Variants in GALK1 observed in about 807,000 individuals in gnomAD.
The protein encoded by GALK1 is galactokinase.
A neutral mutation model predicts 38.6 loss-of-function variants in GALK1; 30 were observed. The ratio of observed to expected loss-of-function variants is 0.78; its 90% CI spans 0.58 to 1.05. GALK1 has a LOEUF of 1.05. GALK1 is among the 50% of genes least tolerant of loss of function. GALK1 has a pLI of 0.00. For missense variants in GALK1, 512 were observed against 540.5 expected (o/e 0.95, Z 0.52); for synonymous variants, 240 against 233.6 (o/e 1.03, Z -0.25).
chr17:75,758,679 G>A, intron 5 of GALK1, 80 bp from the exon 6 acceptor site: 2 of 1,514,848 alleles, frequency 1.3e-6, no homozygotes, highest in South Asian at 1.2e-5. Context: ...AGGCGGTGAT[G>A]GCAGTGGCCC....
In GALK1 at chr17:75,758,360, C is replaced by T. The variant is rs76160162; in HGVS notation, c.957G>A (p.Glu319=). 1,173 of 1,592,564 alleles carry T rather than the reference C, an allele frequency of 7.4e-4. 8 individuals carry two copies. In the African/African-American group the frequency reaches 0.014, roughly 19 times the overall value. Residue 319 remains glutamate (E), a synonymous_variant, in exon 7 of 8, where the codon GAG becomes GAA. Coordinates refer to ENST00000588479, the MANE Select transcript of GALK1 (RefSeq NM_000154.2). ...GCTGGTCCAGCTCTGGGCAGCTCAC[C>T]TCATAGTCGTCTCTGCAGAGAGGAT... The part of the protein sequence containing the change: ...ESHRSLRDDY[E]VSCPELDQLV...
At chr17:75,751,561 G>T, downstream of GALK1, 1 of 241,246 alleles carries the variant, frequency 4.1e-6, no homozygotes, top group Non-Finnish European at 8.3e-6. Flanking sequence ...GACCAGCCTG[G>T]CTAACATGGT....
At chr17:75,754,728 GACT>G (rs765388488), downstream of GALK1, 14 of 1,613,892 alleles carry the variant, frequency 8.7e-6, no homozygotes, top group Admixed American at 5.0e-5. Context: ...CCTCACACGG[GACT>G]ACAACTCACT....
downstream of GALK1, chr17:75,757,083 A>G: frequency 6.2e-7 from 1 of 1,612,894 alleles, no homozygotes; most frequent in Non-Finnish European, 8.5e-7. Flanking sequence ...CGAGGGCATC[A>G]TCACCATAGA....
At position 75,764,978 on chromosome 17, in the gene GALK1, C is replaced by A; in HGVS notation, c.159G>T (p.Leu53=). ...TCCCCGTGCAGCCCCTCACCATAGGCAGCACCAGGCCCTGGTTGTAGTCCG... is the reference window on the plus strand; with the variant it reads ...TCCCCGTGCAGCCCCTCACCATAGGAAGCACCAGGCCCTGGTTGTAGTCCG... The part of the protein sequence containing the change: ...EHTDYNQGLV[L]PMALELMTVL... The change falls in exon 1 of 8, where the codon CTG becomes CTT. Residue 53 remains leucine, a synonymous_variant. Coordinates refer to ENST00000588479, the MANE Select transcript of GALK1 (RefSeq NM_000154.2). The A allele has an allele frequency of 6.2e-7, 1 of 1,608,576 alleles. No homozygotes were observed. Among genetic ancestry groups the A allele is most frequent in the Non-Finnish European group, 8.5e-7 (1 of 1,178,098 alleles).
chr17:75,763,464 G>GT, intron 2 of GALK1, 25 bp from the exon 3 acceptor site: 1 of 1,571,012 alleles, frequency 6.4e-7, no homozygotes. Context: ...ACAGGTGATG[G>GT]TAAGAGGGGC....
At chr17:75,763,683 G>T in intron 2 of GALK1, 1 of 696,044 alleles carries the variant, frequency 1.4e-6, no homozygotes, top group South Asian at 1.8e-5. Flanking sequence ...GGGAAAAAAG[G>T]CTGGGGTTCA....
rs903643295 is a variant in GALK1 at position 75,763,784 on chromosome 17, G to C, written c.355+113C>G. The C allele has an allele frequency of 1.2e-4, 126 of 1,063,888 alleles. 1 individual carries two copies. Among genetic ancestry groups the C allele is most frequent in the East Asian group, 9.9e-4 (39 of 39,208 alleles). The allele number at this position is 1,063,888 out of a possible 1,614,324, so 65.9% of individuals were successfully genotyped here. On this transcript the variant is annotated intron_variant, in intron 2 of 7. Transcript: ENST00000588479. ...AGTTTCCTCATCTGTACAATGGGAT[G>C]CTCCACTCTACAAGCCTTCCCCACA... is the stretch of plus-strand genomic sequence containing the variant.
At chr17:75,756,386 G>C (rs201144354), downstream of GALK1, 63 of 1,606,310 alleles carry the variant, frequency 3.9e-5, no homozygotes, top group Non-Finnish European at 5.4e-5. Flanking sequence ...CCAGGGGTGG[G>C]AGTAACACTG....
At chr17:75,756,965 G>C, downstream of GALK1, 5 of 1,612,770 alleles carry the variant, frequency 3.1e-6, no homozygotes, top group Non-Finnish European at 4.2e-6. Flanking sequence ...CATTCCGGGT[G>C]GATGGAGACA....
At chr17:75,759,248 C>T (rs2061574609) in intron 5 of GALK1, among the ~76,000 whole-genome samples, 1 of 151,820 alleles carries the variant, frequency 6.6e-6, no homozygotes, top group Non-Finnish European at 1.5e-5. Flanking sequence ...GCCAACATGG[C>T]GAAACCCCGT....
At position 75,758,368 on chromosome 17, in the gene GALK1, C is replaced by T. The variant is rs752509283; in HGVS notation, c.949G>A (p.Asp317Asn). The T allele has an allele frequency of 1.0e-5, 16 of 1,589,512 alleles. No homozygotes were observed. The highest frequency in any genetic ancestry group is 7.2e-5 in the Admixed American group (4 of 55,860). Residue 317 changes from aspartate (D) to asparagine (N), a missense_variant, in exon 7 of 8, where the codon GAC (aspartate) becomes AAC (asparagine). By Grantham distance (23) the Asp-to-Asn change is conservative. Coordinates refer to ENST00000588479, the MANE Select transcript of GALK1 (RefSeq NM_000154.2). Reference sequence around the variant, plus strand: ...AGCTCTGGGCAGCTCACCTCATAGTCGTCTCTGCAGAGAGGATATTGAAGG... The same window carrying T: ...AGCTCTGGGCAGCTCACCTCATAGTTGTCTCTGCAGAGAGGATATTGAAGG... Reference protein sequence around the residue: ...MVESHRSLRDDYEVSCPELDQ... With the variant: ...MVESHRSLRDNYEVSCPELDQ...
chr17:75,757,336 C>T (rs956711110), downstream of GALK1: 31 of 1,612,456 alleles, frequency 1.9e-5, no homozygotes, highest in East Asian at 2.2e-5. Context: ...TAGGGGATCC[C>T]GGCTCTCCTG....
chr17:75,764,431 C>A, intron 1 of GALK1: 2 of 582,698 alleles, frequency 3.4e-6, no homozygotes, highest in Non-Finnish European at 6.6e-6. Flanking sequence ...TGTGCACTCC[C>A]CAAGCTGCAG....
chr17:75,764,063 C>T lies in GALK1; in HGVS notation c.189G>A (p.Leu63=), dbSNP rs7211385. The T allele has an allele frequency of 6.8e-3, 10,882 of 1,588,968 alleles. 613 individuals are homozygous for T. In the African/African-American group the frequency reaches 0.13, roughly 18 times the overall value. The change falls in exon 2 of 8, where the codon CTG becomes CTA. Residue 63 remains leucine, a synonymous_variant. Coordinates refer to ENST00000588479, the MANE Select transcript of GALK1 (RefSeq NM_000154.2). ...GCCCATCCTTGCGGGGGCTGCCCAC[C>T]AGCACCGTCATGAGCTCCAGAGCCT... ...LPMALELMTV[L]VGSPRKDGLV...
chr17:75,763,303 T>C lies in GALK1; in HGVS notation c.475+17A>G. 1 of 1,613,858 alleles carries C rather than the reference T, an allele frequency of 6.2e-7. No individual in the cohort carries two copies. Among genetic ancestry groups the C allele is most frequent in the Non-Finnish European group, 8.5e-7 (1 of 1,179,962 alleles). ...CAGGGAAGGAGGGCTGGGTCAGGGC[T>C]GGGGCCTAGCTGGTACCTGGACAGA... is the stretch of plus-strand genomic sequence containing the variant. On this transcript the variant is annotated intron_variant, in intron 3 of 7. Transcript: ENST00000588479.
downstream of GALK1, chr17:75,757,457 T>TC (rs1568390575): frequency 6.2e-7 from 1 of 1,612,396 alleles, no homozygotes; most frequent in Admixed American, 1.7e-5. Context: ...GGCAGGCGGC[T>TC]CCCTCACCCG....
intron 5 of GALK1, among the ~76,000 whole-genome samples, chr17:75,759,788 C>G (rs2061579700): frequency 6.6e-6 from 1 of 152,092 alleles, no homozygotes; most frequent in East Asian, 1.9e-4. Flanking sequence ...ACAGGGAGGT[C>G]CCTCGGAGCT....
chr17:75,751,974 G>A (rs1290135183), intron 8 of GALK1: 1 of 697,298 alleles, frequency 1.4e-6, no homozygotes, highest in Admixed American at 2.0e-5. Context: ...GTCCCTTGGA[G>A]GACTGGTGAC....
Sources: gnomAD v4.1 joint callset for allele counts (sites outside exome capture counted in the v4.1 genomes callset) on GRCh38, gnomAD v4.1.1 for gene constraint, MANE v1.5 for transcripts, NCBI Gene and HGNC (gene_info 2026-07-23, HGNC 2026-07-21) for gene names.